The following STMND1 variants were observed in gnomAD, a reference collection of about 807,000 sequenced individuals.
STMND1 encodes stathmin domain-containing protein 1.
Under a neutral mutation model 23.0 loss-of-function variants are expected in STMND1, and 17 were observed. The observed-to-expected ratio is 0.74, with a 90% CI of 0.51 to 1.11. The LOEUF (loss-of-function observed/expected upper bound fraction) is 1.11. Ranked by LOEUF, STMND1 falls within the 50% of genes least tolerant of loss-of-function variation. The pLI is 0.00. For missense variants in STMND1, 305 were observed against 329.1 expected (o/e 0.93, Z 0.57); for synonymous variants, 114 against 119.9 (o/e 0.95, Z 0.32).
At chr6:17,126,070 A>ATATTTT (rs1561925814) in intron 3 of STMND1, among the ~76,000 whole-genome samples, 6 of 20,530 alleles carry the variant, frequency 2.9e-4, no homozygotes, top group Admixed American at 9.8e-4. Flanking sequence ...ATATATATAT[A>ATATTTT]TTTTTTTTTT....
chr6:17,123,277 T>G (rs1320775108), intron 3 of STMND1, among the ~76,000 whole-genome samples: 1 of 152,204 alleles, frequency 6.6e-6, no homozygotes, highest in Non-Finnish European at 1.5e-5. Context: ...AAGACTATTT[T>G]TCATACTATG....
At chr6:17,129,460 C>A (rs1422029766) in intron 4 of STMND1, among the ~76,000 whole-genome samples, 4 of 150,880 alleles carry the variant, frequency 2.7e-5, no homozygotes, top group African/African-American at 9.8e-5. Context: ...CAATCTTGAA[C>A]TTTTGGGCTC....
chr6:17,102,615 T>G (rs1351486777), intron 1 of STMND1, among the ~76,000 whole-genome samples: 1 of 152,146 alleles, frequency 6.6e-6, no homozygotes, highest in Non-Finnish European at 1.5e-5. Context: ...GCCTTTGGTG[T>G]TTAAAGAGAT....
intron 1 of STMND1, among the ~76,000 whole-genome samples, chr6:17,108,108 A>G (rs1450814023): frequency 6.6e-6 from 1 of 152,218 alleles, no homozygotes; most frequent in Admixed American, 6.5e-5. Context: ...GTCTGCTACA[A>G]TTTAGGTTTT....
chr6:17,126,071 T>TATATATATATATATATATA (rs35991617), intron 3 of STMND1, among the ~76,000 whole-genome samples: 8 of 15,764 alleles, frequency 5.1e-4, no homozygotes, highest in African/African-American at 1.2e-3. Context: ...TATATATATA[T>TATATATATATATATATATA]TTTTTTTTTT....
intron 2 of STMND1, among the ~76,000 whole-genome samples, chr6:17,116,924 C>G (rs1481321100): frequency 6.6e-6 from 1 of 152,114 alleles, no homozygotes; most frequent in African/African-American, 2.4e-5. Context: ...TCATATCCCC[C>G]CTTATGCAAG....
At chr6:17,127,608 A>C (rs1581375166) in intron 3 of STMND1, among the ~76,000 whole-genome samples, 3 of 152,290 alleles carry the variant, frequency 2.0e-5, no homozygotes, top group African/African-American at 2.4e-5. Flanking sequence ...ATTCAAACCC[A>C]GGGCTGACTA....
At chr6:17,107,002 C>A (rs1337441562) in intron 1 of STMND1, among the ~76,000 whole-genome samples, 2 of 152,148 alleles carry the variant, frequency 1.3e-5, no homozygotes, top group African/African-American at 2.4e-5. Flanking sequence ...AGATGGTCTC[C>A]AAGGACCCTG....
chr6:17,112,398 G>T (rs890752358), intron 1 of STMND1, among the ~76,000 whole-genome samples: 1 of 152,104 alleles, frequency 6.6e-6, no homozygotes, highest in South Asian at 2.1e-4. Flanking sequence ...CACTTTTGGG[G>T]TATTATAAAT....
At chr6:17,113,509 T>C (rs1196539509) in intron 1 of STMND1, among the ~76,000 whole-genome samples, 1 of 152,204 alleles carries the variant, frequency 6.6e-6, no homozygotes, top group Non-Finnish European at 1.5e-5. Context: ...ACATTTACAG[T>C]AACACCAAGA....
rs1447631474 is a variant in STMND1 at position 17,130,683 on chromosome 6, C to T, written c.633C>T (p.Ala211=). The change falls in exon 5 of 5, where the codon GCC becomes GCT. Residue 211 remains alanine, a synonymous_variant. Coordinates refer to ENST00000536551, the MANE Select transcript of STMND1 (RefSeq NM_001190766.2). Reference sequence around the variant, plus strand: ...CAGATTCAGCTGAATTAGATGGGGCCGAGGTTGCATTTGCCAAAGGACTTC... The same window carrying T: ...CAGATTCAGCTGAATTAGATGGGGCTGAGGTTGCATTTGCCAAAGGACTTC... ...NHSDSAELDG[A]EVAFAKGLQR... is the part of the protein sequence containing the mutation. The T allele has an allele frequency of 5.9e-6, 9 of 1,535,948 alleles. No individual in the cohort carries two copies. The South Asian group carries it at 5.9e-5, about 10-fold the overall frequency.
chr6:17,112,042 A>C (rs570701078), intron 1 of STMND1, among the ~76,000 whole-genome samples: 2 of 152,356 alleles, frequency 1.3e-5, no homozygotes, highest in African/African-American at 4.8e-5. Context: ...ACACATTCAA[A>C]TCATAGCATC....
chr6:17,118,708 A>T (rs1012580143), intron 2 of STMND1, among the ~76,000 whole-genome samples: 1 of 152,218 alleles, frequency 6.6e-6, no homozygotes, highest in Non-Finnish European at 1.5e-5. Context: ...TGAACCACTG[A>T]CAGTGGAACT....
At position 17,130,782 on chromosome 6, in the gene STMND1, A is replaced by G; in HGVS notation, c.732A>G (p.Lys244=). The G allele has an allele frequency of 6.5e-7, 1 of 1,536,004 alleles. No homozygotes were observed. The highest frequency in any genetic ancestry group is 8.7e-7 in the Non-Finnish European group (1 of 1,146,900). The change falls in exon 5 of 5, where the codon AAA becomes AAG. Residue 244 remains lysine (K), a synonymous_variant. Transcript: ENST00000536551. ...AACCATTGAAGAGGAAGAAGAGTAAATGTGATGCAACCTTGATTGATAGAA... is the reference window on the plus strand; with the variant it reads ...AACCATTGAAGAGGAAGAAGAGTAAGTGTGATGCAACCTTGATTGATAGAA... ...GGKPLKRKKS[K]CDATLIDRNE...
At chr6:17,112,263 G>A (rs1329747076) in intron 1 of STMND1, among the ~76,000 whole-genome samples, 1 of 152,014 alleles carries the variant, frequency 6.6e-6, no homozygotes, top group African/African-American at 2.4e-5. Context: ...ATATTTCCAA[G>A]TATCATCTAT....
At chr6:17,103,566 C>CTTTT (rs68161737) in intron 1 of STMND1, among the ~76,000 whole-genome samples, 859 of 82,114 alleles carry the variant, frequency 0.01, 15 homozygotes, top group Middle Eastern at 0.013. Flanking sequence ...GACCCATTAC[C>CTTTT]TTTTTTTTTT....
chr6:17,121,866 T>A (rs1259554762), intron 3 of STMND1, among the ~76,000 whole-genome samples: 1 of 149,790 alleles, frequency 6.7e-6, no homozygotes, highest in Non-Finnish European at 1.5e-5. Context: ...GTTCTAAATT[T>A]TTTTTTTTTT....
At chr6:17,105,574 G>A (rs1222790588) in intron 1 of STMND1, among the ~76,000 whole-genome samples, 1 of 152,060 alleles carries the variant, frequency 6.6e-6, no homozygotes, top group Non-Finnish European at 1.5e-5. Flanking sequence ...GAACCTGGGA[G>A]GCGGAGATTG....
chr6:17,130,673 T>C lies in STMND1; in HGVS notation c.623T>C (p.Leu208Ser). 1 of 1,536,064 alleles carries C rather than the reference T, an allele frequency of 6.5e-7. No homozygotes were observed. Among genetic ancestry groups the C allele is most frequent in the Non-Finnish European group, 8.7e-7 (1 of 1,146,882 alleles). ...GCCAATCACTCAGATTCAGCTGAAT[T>C]AGATGGGGCCGAGGTTGCATTTGCC... ...PSANHSDSAE[L>S]DGAEVAFAKG... is the part of the protein sequence containing the mutation. The change falls in exon 5 of 5, where the codon TTA (leucine) becomes TCA (serine). Residue 208 changes from leucine to serine, a missense_variant. By Grantham distance (145) the Leu-to-Ser change is moderately radical. Coordinates refer to ENST00000536551, the MANE Select transcript of STMND1 (RefSeq NM_001190766.2).
Sources: allele counts gnomAD v4.1 joint callset (sites outside exome capture counted in the v4.1 genomes callset), GRCh38; gene constraint gnomAD v4.1.1; transcripts MANE v1.5; gene names NCBI Gene and HGNC (gene_info 2026-07-23, HGNC 2026-07-21).